NEB: variants seen among roughly 807,000 people sequenced by gnomAD.
NEB encodes the protein nemaline myopathy type 2.
A neutral mutation model predicts 952.2 loss-of-function variants in NEB; 512 were observed. That is an observed-to-expected ratio of 0.54 (90% CI 0.50 to 0.58). NEB has a LOEUF of 0.58. Ranked by LOEUF, NEB falls within the 20% of genes least tolerant of loss-of-function variation. NEB has a pLI of 0.00. For missense variants in NEB, 8,428 were observed against 9,231.1 expected, an observed-to-expected ratio of 0.91 and a Z score of 3.56; for synonymous variants, 2,900 against 3,149.8, an observed-to-expected ratio of 0.92 and a Z score of 2.66.
chr2:151,697,934 C>T (rs951770964), intron 13 of NEB, among the ~76,000 whole-genome samples: 14 of 152,108 alleles, frequency 9.2e-5, no homozygotes, highest in African/African-American at 3.4e-4. Flanking sequence ...GGCATGGTGG[C>T]GGGTGCCTGT....
chr2:151,592,205 T>C, intron 94 of NEB, 67 bp from the exon 95 acceptor site: 1 of 1,542,854 alleles, frequency 6.5e-7, no homozygotes, highest in African/African-American at 1.4e-5. Flanking sequence ...TAAATAAAAT[T>C]ATAAAGTCAT....
chr2:151,650,625 A>G lies in NEB; in HGVS notation c.7176T>C (p.Pro2392=), dbSNP rs1042667385. 23 of 1,609,612 alleles carry G rather than the reference A, an allele frequency of 1.4e-5. No individual in the cohort carries two copies. The highest frequency in any genetic ancestry group is 1.8e-5 in the Non-Finnish European group (21 of 1,177,252). ...KNYLHQWTCL[P]DQNDVVQAKK... is the part of the protein sequence containing the mutation. ...TAGCTTGCACAACATCGTTCTGATC[A>G]GGCAGACATGTCCACTGATGCAGGT... The change falls in exon 53 of 182, where the codon CCT becomes CCC. Residue 2392 remains proline (P), a synonymous_variant. Transcript: ENST00000397345.
intron 71 of NEB, among the ~76,000 whole-genome samples, chr2:151,622,466 A>G (rs1392710068): frequency 6.6e-6 from 1 of 152,176 alleles, no homozygotes; most frequent in African/African-American, 2.4e-5. Context: ...CTTTTGCAAA[A>G]CTTCAAACTT....
chr2:151,555,018 C>G lies in NEB; in HGVS notation c.19341G>C (p.Lys6447Asn). The change falls in exon 125 of 182, where the codon AAG (lysine) becomes AAC (asparagine). Residue 6447 changes from lysine (K) to asparagine (N), a missense_variant. Lys to Asn is a moderately conservative substitution (Grantham distance 94). Coordinates refer to ENST00000397345, the MANE Select transcript of NEB (RefSeq NM_001164508.2). Reference protein sequence around the residue: ...SHIKYREEYEKFKALYTLPRS... With the variant: ...SHIKYREEYENFKALYTLPRS... The stretch of plus-strand genomic sequence containing the variant: ...TTGGTAACGTATAAAGAGCTTTGAA[C>G]TTTTCATATTCTTCCCGATATTTGA... 1 of 1,612,668 alleles carries G rather than the reference C, an allele frequency of 6.2e-7. No individual in the cohort carries two copies. The highest frequency in any genetic ancestry group is 8.5e-7 in the Non-Finnish European group (1 of 1,178,736).
At chr2:151,561,742 C>T (rs1417083114) in intron 121 of NEB, among the ~76,000 whole-genome samples, 1 of 152,068 alleles carries the variant, frequency 6.6e-6, no homozygotes, top group East Asian at 1.9e-4. Flanking sequence ...GAAAAGTTTT[C>T]CAGATACTGA....
At chr2:151,533,145 C>A (rs756652477) in intron 143 of NEB, among the ~76,000 whole-genome samples, 10 of 152,172 alleles carry the variant, frequency 6.6e-5, no homozygotes, top group Non-Finnish European at 1.5e-4. Context: ...GAATCTATTT[C>A]TTTGAGGCAA....
intron 173 of NEB, 119 bp downstream of exon 173, chr2:151,496,157 T>TAAAG (rs1325253933): frequency 8.4e-7 from 1 of 1,185,228 alleles, no homozygotes; most frequent in Non-Finnish European, 1.2e-6. Context: ...GTAAATTTGC[T>TAAAG]AAAGAAATTT....
intron 159 of NEB, among the ~76,000 whole-genome samples, chr2:151,514,023 C>T (rs1239895376): frequency 2.0e-5 from 3 of 152,198 alleles, no homozygotes; most frequent in African/African-American, 4.8e-5. Context: ...GTGCACACCA[C>T]TCCAGTGTAG....
chr2:151,504,680 A>G (rs1311690808), intron 165 of NEB, among the ~76,000 whole-genome samples: 1 of 152,228 alleles, frequency 6.6e-6, no homozygotes, highest in African/African-American at 2.4e-5. Flanking sequence ...CTATTTCCCA[A>G]ACTTCACATA....
At position 151,610,648 on chromosome 2, in the gene NEB, G is replaced by A. The variant is rs370502634; in HGVS notation, c.11911-25C>T. 26 of 1,587,906 alleles carry A rather than the reference G, an allele frequency of 1.6e-5. No individual in the cohort carries two copies. In the Admixed American group the frequency reaches 1.8e-4, roughly 11 times the overall value. ...TCTAGGGAAGGGATAATAGACGACAGAAAATAAGAGTGTTTGAGGAAGGTA... is the reference window on the plus strand; with the variant it reads ...TCTAGGGAAGGGATAATAGACGACAAAAAATAAGAGTGTTTGAGGAAGGTA... On this transcript the variant is annotated intron_variant, in intron 79 of 181. Transcript: ENST00000397345.
At chr2:151,605,028 A>G (rs1451105570) in intron 84 of NEB, among the ~76,000 whole-genome samples, 157 bp from the exon 85 acceptor site, 3 of 133,182 alleles carry the variant, frequency 2.3e-5, no homozygotes, top group African/African-American at 8.4e-5. Flanking sequence ...TAAAGAAATT[A>G]GATAATACGA....
At chr2:151,561,599 T>C (rs2096063741) in intron 121 of NEB, among the ~76,000 whole-genome samples, 1 of 137,618 alleles carries the variant, frequency 7.3e-6, no homozygotes, top group Admixed American at 7.1e-5. Flanking sequence ...TTTCGAACAC[T>C]TTTTTTTTTT....
intron 76 of NEB, 100 bp from the exon 77 acceptor site, chr2:151,614,687 T>A: frequency 2.3e-6 from 3 of 1,325,802 alleles, no homozygotes; most frequent in Non-Finnish European, 3.1e-6. Flanking sequence ...TCCCCAACAC[T>A]ATCATGAAGG....
At chr2:151,720,402 T>G (rs1383711510) in intron 9 of NEB, among the ~76,000 whole-genome samples, 1 of 152,218 alleles carries the variant, frequency 6.6e-6, no homozygotes, top group Admixed American at 6.5e-5. Context: ...CTGACAACAG[T>G]ATTAATAGGC....
intron 55 of NEB, among the ~76,000 whole-genome samples, 181 bp downstream of exon 55, chr2:151,645,949 G>T (rs949382769): frequency 6.6e-6 from 1 of 152,188 alleles, no homozygotes; most frequent in African/African-American, 2.4e-5. Context: ...CATTCTGCCT[G>T]ACATAGTGAG....
At chr2:151,628,678 T>A (rs2098588151) in intron 68 of NEB, among the ~76,000 whole-genome samples, 1 of 151,944 alleles carries the variant, frequency 6.6e-6, no homozygotes, top group Admixed American at 6.6e-5. Context: ...CTGTCTCTAC[T>A]AAAAATACAA....
intron 77 of NEB, among the ~76,000 whole-genome samples, chr2:151,613,772 C>G (rs1222118121): frequency 6.6e-6 from 1 of 152,180 alleles, no homozygotes; most frequent in Non-Finnish European, 1.5e-5. Context: ...CCTTTGCTCT[C>G]TCTCTCCTGC....
intron 37 of NEB, 50 bp from the exon 38 acceptor site, chr2:151,671,279 G>A (rs751570070): frequency 6.9e-6 from 10 of 1,454,730 alleles, no homozygotes; most frequent in Non-Finnish European, 3.8e-6. Context: ...AATATTCAAG[G>A]GATGTTTCTG....
At chr2:151,657,704 T>C (rs2099101092) in intron 48 of NEB, among the ~76,000 whole-genome samples, 1 of 152,176 alleles carries the variant, frequency 6.6e-6, no homozygotes, top group South Asian at 2.1e-4. Flanking sequence ...GTGAAGGGCT[T>C]TGAATTTCTA....
Sources: gnomAD v4.1 joint callset for allele counts (sites outside exome capture counted in the v4.1 genomes callset) on GRCh38, gnomAD v4.1.1 for gene constraint, MANE v1.5 for transcripts, NCBI Gene and HGNC (gene_info 2026-07-23, HGNC 2026-07-21) for gene names.